MBOAT2: variants seen among roughly 807,000 people sequenced by gnomAD.
MBOAT2 encodes the protein membrane-bound glycerophospholipid O-acyltransferase 2.
MBOAT2 carries 28 observed loss-of-function variants against 63.4 expected under a neutral mutation model. The observed-to-expected ratio is 0.44, with a 90% CI of 0.33 to 0.61. The LOEUF (loss-of-function observed/expected upper bound fraction) is 0.61, where lower values mean the gene tolerates loss of function less well. MBOAT2 is among the 20% of genes least tolerant of loss of function. The pLI is 0.03. For missense variants in MBOAT2, 470 were observed against 605.8 expected (o/e 0.78, Z 2.35); for synonymous variants, 211 against 215.6 (o/e 0.98, Z 0.19).
rs1661586691 is a variant in MBOAT2, at chr2:8,862,806, C to T, written c.1053-84G>A. 4 of 1,483,872 alleles carry T rather than the reference C, an allele frequency of 2.7e-6. No homozygotes were observed. Among genetic ancestry groups the T allele is most frequent in the South Asian group, 2.7e-5 (2 of 73,916 alleles). The allele number at this position is 1,483,872 out of a possible 1,614,324, so 91.9% of individuals were successfully genotyped here. A position where few individuals can be genotyped will look rare whatever the true frequency, so the allele number is the denominator to read the frequency against. ...CCTGCAATGATCATTCTTTTATTAC[C>T]TGACAGGATTTAGGGTAACTAGAAA... On this transcript the variant is annotated intron_variant, in intron 10 of 12. Coordinates refer to ENST00000305997, the MANE Select transcript of MBOAT2 (RefSeq NM_138799.4). The surrounding 1 kb of genome is among the most constrained non-coding windows in gnomAD (Gnocchi z 4.3).
intron 2 of MBOAT2, among the ~76,000 whole-genome samples, chr2:8,946,709 C>G (rs1177548391): frequency 3.3e-5 from 5 of 152,112 alleles, no homozygotes; most frequent in Non-Finnish European, 7.4e-5. Flanking sequence ...TTTGATATTA[C>G]TACTGTAATC....
intron 1 of MBOAT2, among the ~76,000 whole-genome samples, chr2:8,996,557 C>T (rs576741176): frequency 7.4e-4 from 113 of 152,254 alleles, no homozygotes; most frequent in African/African-American, 2.6e-3. Context: ...CTCTCCCGGC[C>T]GCAGCCCTCA....
intron 1 of MBOAT2, among the ~76,000 whole-genome samples, chr2:8,970,392 G>A (rs1670362120): frequency 6.6e-6 from 1 of 152,176 alleles, no homozygotes; most frequent in Non-Finnish European, 1.5e-5. Flanking sequence ...GAAATTTATA[G>A]CACTAAATGC....
intron 3 of MBOAT2, among the ~76,000 whole-genome samples, chr2:8,925,434 A>G (rs1237527652): frequency 6.6e-6 from 1 of 152,250 alleles, no homozygotes; most frequent in African/African-American, 2.4e-5. Flanking sequence ...TACATCCCAT[A>G]TTTTGGTTCA....
chr2:8,982,279 C>T (rs570321388), intron 1 of MBOAT2, among the ~76,000 whole-genome samples: 2 of 152,186 alleles, frequency 1.3e-5, no homozygotes, highest in Admixed American at 1.3e-4. Flanking sequence ...TAGGTAAGAC[C>T]TGGAGAAAGC....
intron 1 of MBOAT2, among the ~76,000 whole-genome samples, chr2:8,970,382 G>T (rs1433061425): frequency 6.6e-5 from 10 of 152,134 alleles, no homozygotes; most frequent in Admixed American, 6.5e-4. Flanking sequence ...TGTGTAGAAG[G>T]AAATTTATAG....
intron 8 of MBOAT2, among the ~76,000 whole-genome samples, chr2:8,871,865 G>C (rs1444827806): frequency 6.6e-6 from 1 of 152,120 alleles, no homozygotes; most frequent in East Asian, 1.9e-4. Flanking sequence ...TATTTGTTGA[G>C]TAACAAATAT....
intron 3 of MBOAT2, among the ~76,000 whole-genome samples, chr2:8,940,780 CA>C (rs1016041596): frequency 6.6e-6 from 1 of 150,876 alleles, no homozygotes; most frequent in Non-Finnish European, 1.5e-5. Flanking sequence ...GAGCATAAAG[CA>C]AAAAAAATCA....
chr2:8,896,459 T>C (rs1260683923), intron 4 of MBOAT2, among the ~76,000 whole-genome samples: 1 of 152,140 alleles, frequency 6.6e-6, no homozygotes, highest in Non-Finnish European at 1.5e-5. Context: ...TTTGGGATTG[T>C]AGAGTAAGGA....
intron 4 of MBOAT2, among the ~76,000 whole-genome samples, chr2:8,893,733 C>G (rs149505210): frequency 6.6e-6 from 1 of 152,326 alleles, no homozygotes; most frequent in Non-Finnish European, 1.5e-5. Context: ...ATTTGAAGGT[C>G]TGCACAGAGA....
At position 8,880,032 on chromosome 2, in the gene MBOAT2, G is replaced by A. The variant is rs185313591; in HGVS notation, c.506+2479C>T. On this transcript the variant is annotated intron_variant, in intron 6 of 12. Coordinates refer to ENST00000305997, the MANE Select transcript of MBOAT2 (RefSeq NM_138799.4). ...CCTGGGCCTTATAATGCTGTGGTCAGGGGTTTGTAATTCTATTCTAAATTA... is the reference window on the plus strand; with the variant it reads ...CCTGGGCCTTATAATGCTGTGGTCAAGGGTTTGTAATTCTATTCTAAATTA... Among the ~76,000 whole-genome samples the A allele has an allele frequency of 2.0e-5, 3 of 152,184 alleles. No homozygotes were observed. In the East Asian group the frequency reaches 5.8e-4, roughly 30 times the overall value.
At position 8,884,104 on chromosome 2, in the gene MBOAT2, C is replaced by T. The variant is rs544550457; in HGVS notation, c.452-1539G>A. ...AAAAAAAATTAGTTGGGTGTGGCGG[C>T]GGGCGCCTATAATCCCAACTACTCA... On this transcript the variant is annotated intron_variant, in intron 5 of 12. Transcript: ENST00000305997. Among the ~76,000 whole-genome samples, 206 of 134,754 alleles carry T rather than the reference C, an allele frequency of 1.5e-3. 2 individuals are homozygous for T. The highest frequency in any genetic ancestry group is 2.2e-3 in the Non-Finnish European group (142 of 64,606). 88.4% of individuals were successfully genotyped at this position (134,754 alleles called of 152,430 possible).
intron 7 of MBOAT2, 189 bp downstream of exon 7, chr2:8,876,841 T>C (rs1662733833): frequency 4.0e-6 from 2 of 504,750 alleles, no homozygotes; most frequent in Admixed American, 3.9e-5. Flanking sequence ...CCACATAGTT[T>C]CTCAAGTGAC....
At position 8,862,237 on chromosome 2, in the gene MBOAT2, C is replaced by A; in HGVS notation, c.1185+353G>T. 1 of 1,224,298 alleles carries A rather than the reference C, an allele frequency of 8.2e-7. No homozygotes were observed. The highest frequency in any genetic ancestry group is 1.1e-6 in the Non-Finnish European group (1 of 944,078). The allele number at this position is 1,224,298 out of a possible 1,614,324, so 75.8% of individuals were successfully genotyped here. On this transcript the variant is annotated intron_variant, in intron 11 of 12. Coordinates refer to ENST00000305997, the MANE Select transcript of MBOAT2 (RefSeq NM_138799.4). The surrounding 1 kb of genome is among the most constrained non-coding windows in gnomAD (Gnocchi z 4.3). ...CATCTGAGAGAGGACTCAAAGGTTA[C>A]AGCTTTCAGGAAACATTTCTAAAAT...
At position 8,888,030 on chromosome 2, in the gene MBOAT2, C is replaced by T. The variant is rs955335450; in HGVS notation, c.439G>A (p.Glu147Lys). The change falls in exon 5 of 13, where the codon GAA becomes AAA. Residue 147 changes from glutamate to lysine, a missense_variant. Around this residue, in one of 3 missense-constraint regions of MBOAT2, gnomAD observed 376 missense variants for 503.8 expected, o/e 0.75. Coordinates refer to ENST00000305997, the MANE Select transcript of MBOAT2 (RefSeq NM_138799.4). ...TCAGAATTCTTACCATCATGAATTTCGCAAGCCAAACTAGTGATCTTCTGA... is the reference window on the plus strand; with the variant it reads ...TCAGAATTCTTACCATCATGAATTTTGCAAGCCAAACTAGTGATCTTCTGA... ...ITQKITSLAC[E>K]IHDGMFRKDE... 6.2e-7 allele frequency: 1 copy of T among 1,613,054 alleles called. No homozygotes were observed. Among genetic ancestry groups the T allele is most frequent in the Non-Finnish European group, 8.5e-7 (1 of 1,179,506 alleles).
chr2:8,961,388 A>G (rs1359503697), intron 1 of MBOAT2, among the ~76,000 whole-genome samples: 1 of 152,186 alleles, frequency 6.6e-6, no homozygotes, highest in African/African-American at 2.4e-5. Context: ...AACTTAAAAC[A>G]TAATATCCTT....
chr2:8,900,991 T>C (rs1664879306), intron 4 of MBOAT2, among the ~76,000 whole-genome samples: 1 of 152,192 alleles, frequency 6.6e-6, no homozygotes, highest in Admixed American at 6.5e-5. Flanking sequence ...AGCCTGTTGA[T>C]GCCTGAGTGT....
chr2:8,967,102 A>C (rs993948815), intron 1 of MBOAT2, among the ~76,000 whole-genome samples: 14 of 152,186 alleles, frequency 9.2e-5, no homozygotes, highest in African/African-American at 3.4e-4. Flanking sequence ...ACTTCACAAA[A>C]AGTTCCAAAA....
rs1440589491 is a variant in MBOAT2 at position 8,974,830 on chromosome 2, C to T, written c.76-16188G>A. Reference sequence around the variant, plus strand: ...CCTATACTGAATCTGCTCGTTTCATCCCACTAAATTTTATGCAATGGCAAC... The same window carrying T: ...CCTATACTGAATCTGCTCGTTTCATTCCACTAAATTTTATGCAATGGCAAC... On this transcript the variant is annotated intron_variant, in intron 1 of 12. Coordinates refer to ENST00000305997, the MANE Select transcript of MBOAT2 (RefSeq NM_138799.4). 2.0e-5 allele frequency among the ~76,000 whole-genome samples: 3 copies of T among 152,108 alleles called. No individual in the cohort carries two copies. The East Asian group carries it at 5.8e-4, about 29-fold the overall frequency.
Sources: allele counts gnomAD v4.1 joint callset (sites outside exome capture counted in the v4.1 genomes callset), GRCh38; gene constraint gnomAD v4.1.1; regional missense constraint gnomAD v4.1.1; non-coding constraint Gnocchi (gnomAD v3.1); transcripts MANE v1.5; gene names NCBI Gene and HGNC (gene_info 2026-07-23, HGNC 2026-07-21).